Variants in MYO6 observed in about 807,000 individuals in gnomAD.
The protein encoded by MYO6 is myosin VI.
Under a neutral mutation model 178.7 loss-of-function variants are expected in MYO6, and 74 were observed. That is an observed-to-expected ratio of 0.41 (90% CI 0.34 to 0.50). MYO6 has a LOEUF of 0.50. MYO6 is among the 20% of genes least tolerant of loss of function. The probability of loss-of-function intolerance (pLI) is 0.09; values close to 1 mark genes in which losing one functional copy is unlikely to be tolerated. For synonymous variants in MYO6, 477 were observed against 504.6 expected, an observed-to-expected ratio of 0.95 and a Z score of 0.73; for missense variants, 1,330 against 1,547.4, an observed-to-expected ratio of 0.86 and a Z score of 2.36.
In MYO6 at chr6:75,914,969, G is replaced by A. The variant is rs779525798; in HGVS notation, c.3815G>A (p.Arg1272Gln). 1.2e-6 allele frequency: 2 copies of A among 1,613,676 alleles called. No homozygotes were observed. Among genetic ancestry groups the A allele is most frequent in the South Asian group, 1.1e-5 (1 of 91,034 alleles). The change falls in exon 35 of 35, where the codon CGG becomes CAG. Residue 1272 changes from arginine (R) to glutamine (Q), a missense_variant. By Grantham distance (43) the Arg-to-Gln change is conservative. Coordinates refer to ENST00000369977, the MANE Select transcript of MYO6 (RefSeq NM_004999.4). ...AATGCGATTGAGAGCAGACAGGCTCGGCCCACCTATGCAACAGCCATGCTG... is the reference window on the plus strand; with the variant it reads ...AATGCGATTGAGAGCAGACAGGCTCAGCCCACCTATGCAACAGCCATGCTG... ...LQNAIESRQA[R>Q]PTYATAMLQS...
intron 4 of MYO6, 22 bp from the exon 5 acceptor site, chr6:75,830,394 T>C (rs761448917): frequency 6.2e-7 from 1 of 1,602,298 alleles, no homozygotes; most frequent in Non-Finnish European, 8.5e-7. Flanking sequence ...GAATATTTTA[T>C]GTTTATGCTT....
At chr6:75,913,475 T>G (rs560694184) in intron 33 of MYO6, among the ~76,000 whole-genome samples, 10 of 152,326 alleles carry the variant, frequency 6.6e-5, no homozygotes, top group African/African-American at 2.2e-4. Context: ...AGGTTTTTTT[T>G]GTCATATGGT....
chr6:75,757,130 T>C (rs1420026063), intron 1 of MYO6, among the ~76,000 whole-genome samples: 1 of 146,548 alleles, frequency 6.8e-6, no homozygotes, highest in Non-Finnish European at 1.5e-5. Context: ...TATATGTATA[T>C]ACAAGAGTAC....
chr6:75,842,472 T>TTG (rs1396819146), intron 9 of MYO6, among the ~76,000 whole-genome samples: 1 of 152,118 alleles, frequency 6.6e-6, no homozygotes, highest in East Asian at 1.9e-4. Context: ...TGCTCTGTGG[T>TTG]TGTGTGTGTG....
At chr6:75,847,643 A>G (rs1200726335) in intron 10 of MYO6, among the ~76,000 whole-genome samples, 1 of 152,038 alleles carries the variant, frequency 6.6e-6, no homozygotes, top group African/African-American at 2.4e-5. Context: ...GTAAATTATT[A>G]GAGTAAGTAT....
intron 1 of MYO6, among the ~76,000 whole-genome samples, chr6:75,815,315 CT>C (rs887205736): frequency 5.0e-5 from 7 of 141,330 alleles, no homozygotes; most frequent in African/African-American, 2.0e-4. Context: ...TTCACTGATA[CT>C]AAGGAAGAGC....
intron 30 of MYO6, among the ~76,000 whole-genome samples, chr6:75,904,259 A>C (rs2149404156): frequency 6.7e-6 from 1 of 149,818 alleles, no homozygotes; most frequent in South Asian, 2.2e-4. Flanking sequence ...TATTTCCTGA[A>C]TCTGAATGTT....
At chr6:75,782,633 T>A (rs1374969672) in intron 1 of MYO6, among the ~76,000 whole-genome samples, 1 of 152,246 alleles carries the variant, frequency 6.6e-6, no homozygotes, top group Non-Finnish European at 1.5e-5. Context: ...GTTACACTTT[T>A]CATTCTTGCT....
chr6:75,901,275 G>A (rs62414805), intron 30 of MYO6, among the ~76,000 whole-genome samples: 3 of 151,718 alleles, frequency 2.0e-5, no homozygotes, highest in Admixed American at 2.0e-4. Context: ...GTGAAGAAAG[G>A]CATTGGTAGC....
chr6:75,813,156 A>T (rs1391753809), intron 1 of MYO6, among the ~76,000 whole-genome samples: 1 of 152,176 alleles, frequency 6.6e-6, no homozygotes, highest in Non-Finnish European at 1.5e-5. Flanking sequence ...TTTTGGATTG[A>T]TGCCACCTGG....
intron 6 of MYO6, among the ~76,000 whole-genome samples, chr6:75,835,255 AC>A (rs1333965582): frequency 3.3e-5 from 5 of 152,236 alleles, no homozygotes; most frequent in African/African-American, 1.2e-4. Context: ...AATTTAAAAA[AC>A]AATGTCAATT....
At chr6:75,889,110 T>G (rs1203818479) in intron 25 of MYO6, among the ~76,000 whole-genome samples, 4 of 152,164 alleles carry the variant, frequency 2.6e-5, no homozygotes, top group African/African-American at 9.7e-5. Context: ...TTATATTTTC[T>G]GCAGATATTT....
intron 20 of MYO6, among the ~76,000 whole-genome samples, chr6:75,877,064 G>A (rs867746341): frequency 1.3e-5 from 2 of 151,058 alleles, no homozygotes; most frequent in African/African-American, 2.4e-5. Context: ...CGTAAGCTCC[G>A]CCTCCCAGGT....
At chr6:75,816,750 T>C (rs1037205818) in intron 1 of MYO6, among the ~76,000 whole-genome samples, 1 of 152,202 alleles carries the variant, frequency 6.6e-6, no homozygotes, top group Non-Finnish European at 1.5e-5. Context: ...CTTCCACAGT[T>C]GATTTATTTT....
Position 75,915,072 on chromosome 6 carries a change from G to A in MYO6, c.*60G>A, listed in dbSNP as rs868373713. 1.4e-5 allele frequency: 20 copies of A among 1,471,832 alleles called. 1 individual carries two copies. The highest frequency in any genetic ancestry group is 2.4e-4 in the Middle Eastern group (1 of 4,252). The allele number at this position is 1,471,832 out of a possible 1,614,324, so 91.2% of individuals were successfully genotyped here. The stretch of plus-strand genomic sequence containing the variant: ...GCCATGGTACTTAGGTAGGGTGTGT[G>A]CCCCCAGATTTAACCATTCCATAAT... On this transcript the variant is annotated 3_prime_UTR_variant, in exon 35 of 35. Transcript: ENST00000369977.
At chr6:75,787,091 A>G (rs910105423) in intron 1 of MYO6, among the ~76,000 whole-genome samples, 3 of 152,150 alleles carry the variant, frequency 2.0e-5, no homozygotes, top group African/African-American at 7.2e-5. Context: ...AGTTCAGGCC[A>G]TTTATTTTGT....
chr6:75,902,715 C>G (rs1779911386), intron 30 of MYO6, among the ~76,000 whole-genome samples: 1 of 150,912 alleles, frequency 6.6e-6, no homozygotes, highest in Non-Finnish European at 1.5e-5. Flanking sequence ...TTTTTTGTGT[C>G]TCTATTTCCT....
In MYO6 at chr6:75,832,890, T is replaced by A; in HGVS notation, c.440T>A (p.Ile147Asn). Reference protein sequence around the residue: ...DMKVLKMSQSIIVSGESGAGK... With the variant: ...DMKVLKMSQSNIVSGESGAGK... The stretch of plus-strand genomic sequence containing the variant: ...AAGGTGCTCAAGATGAGTCAGTCTA[T>A]CATTGTATCTGGAGAATCAGGAGCC... Residue 147 changes from isoleucine (I) to asparagine (N), a missense_variant, in exon 6 of 35, where the codon ATC becomes AAC. Around this residue, in one of 3 missense-constraint regions of MYO6, gnomAD observed 613 missense variants for 816.8 expected, o/e 0.75. Transcript: ENST00000369977. 1 of 1,614,132 alleles carries A rather than the reference T, an allele frequency of 6.2e-7. No individual in the cohort carries two copies. Among genetic ancestry groups the A allele is most frequent in the Non-Finnish European group, 8.5e-7 (1 of 1,180,004 alleles).
intron 1 of MYO6, among the ~76,000 whole-genome samples, chr6:75,806,275 C>A (rs1037863205): frequency 6.6e-6 from 1 of 151,758 alleles, no homozygotes. Flanking sequence ...TAGTTCCCAG[C>A]CATTTGTGAG....
Sources: gnomAD v4.1 joint callset for allele counts (sites outside exome capture counted in the v4.1 genomes callset) on GRCh38, gnomAD v4.1.1 for gene constraint, gnomAD v4.1.1 regional missense constraint, MANE v1.5 for transcripts, NCBI Gene and HGNC (gene_info 2026-07-23, HGNC 2026-07-21) for gene names.